NAALADL2: variants seen among roughly 807,000 people sequenced by gnomAD.
NAALADL2 encodes the protein inactive N-acetylated-alpha-linked acidic dipeptidase-like protein 2.
A neutral mutation model predicts 87.2 loss-of-function variants in NAALADL2; 76 were observed. The ratio of observed to expected loss-of-function variants is 0.87; its 90% CI spans 0.72 to 1.05. NAALADL2 has a LOEUF of 1.05. Among genes scored for constraint, NAALADL2 ranks in the 50% least tolerant of loss-of-function variants. NAALADL2 has a pLI of 0.00. For missense variants in NAALADL2, 1,089 were observed against 945.8 expected, an observed-to-expected ratio of 1.15 and a Z score of -1.99; for synonymous variants, 354 against 331.0, an observed-to-expected ratio of 1.07 and a Z score of -0.75.
chr3:174,657,382 C>G (rs767454154), intron 2 of NAALADL2, among the ~76,000 whole-genome samples: 7 of 152,044 alleles, frequency 4.6e-5, no homozygotes, highest in African/African-American at 7.2e-5. Flanking sequence ...CTCTCGAACT[C>G]CTGACCTCAA....
intron 2 of NAALADL2, among the ~76,000 whole-genome samples, chr3:174,607,996 C>G (rs1400054931): frequency 6.6e-6 from 1 of 152,156 alleles, no homozygotes; most frequent in Non-Finnish European, 1.5e-5. Context: ...CAAACTAGAA[C>G]TGAGGATTAA....
intron 2 of NAALADL2, among the ~76,000 whole-genome samples, chr3:174,672,589 G>A (rs1047880303): frequency 2.0e-5 from 3 of 151,982 alleles, no homozygotes; most frequent in African/African-American, 4.8e-5. Flanking sequence ...ATGTTAGGCC[G>A]AAATACTTTC....
chr3:174,546,309 C>T (rs1183634381), intron 1 of NAALADL2, among the ~76,000 whole-genome samples: 6 of 152,148 alleles, frequency 3.9e-5, no homozygotes, highest in South Asian at 4.1e-4. Flanking sequence ...CTTGGTATTC[C>T]CAAGTTTGAG....
At chr3:174,859,510 G>C in intron 1 of NAALADL2, 60 bp downstream of exon 1, 1 of 1,386,786 alleles carries the variant, frequency 7.2e-7, no homozygotes, top group Non-Finnish European at 1.0e-6. Context: ...AAGCAGTGTT[G>C]ATTACAAAGT....
chr3:175,247,301 G>C (rs541238674), intron 3 of NAALADL2, among the ~76,000 whole-genome samples: 5 of 150,620 alleles, frequency 3.3e-5, no homozygotes, highest in African/African-American at 1.2e-4. Context: ...AAACACATAA[G>C]TAAGTGTATT....
intron 2 of NAALADL2, among the ~76,000 whole-genome samples, chr3:174,616,966 G>A (rs934530535): frequency 7.9e-5 from 12 of 151,680 alleles, no homozygotes. Context: ...TTAATTGTAT[G>A]GAAAATAGTA....
In NAALADL2 at chr3:175,719,035, G is replaced by A. The variant is rs548887847; in HGVS notation, c.1897-18271G>A. Among the ~76,000 whole-genome samples the A allele has an allele frequency of 2.6e-4, 39 of 152,108 alleles. 1 individual carries two copies. The highest frequency in any genetic ancestry group is 4.1e-4 in the Non-Finnish European group (28 of 67,992). ...TGTGCTAAAATGCTTTTTTAGTTGC[G>A]ATTGGGCCAGGGGCCAGGATGAATC... On this transcript the variant is annotated intron_variant, in intron 11 of 13. Coordinates refer to ENST00000454872, the MANE Select transcript of NAALADL2 (RefSeq NM_207015.3).
intron 11 of NAALADL2, among the ~76,000 whole-genome samples, chr3:175,713,769 T>C (rs954550649): frequency 5.9e-5 from 9 of 152,120 alleles, no homozygotes; most frequent in African/African-American, 2.2e-4. Flanking sequence ...CTGGGATACA[T>C]GTGCAGAATG....
intron 1 of NAALADL2, among the ~76,000 whole-genome samples, chr3:174,906,745 C>A (rs1579461920): frequency 6.6e-6 from 1 of 152,088 alleles, no homozygotes; most frequent in Non-Finnish European, 1.5e-5. Context: ...GCTATACCAA[C>A]CCCCAATTTC....
intron 10 of NAALADL2, among the ~76,000 whole-genome samples, chr3:175,605,644 T>TTTTTTTTTTTTTTTG (rs1723612029): frequency 7.5e-6 from 1 of 133,012 alleles, no homozygotes; most frequent in Non-Finnish European, 1.6e-5. Context: ...TTGCTTGTTT[T>TTTTTTTTTTTTTTTG]TTTTTTTTTT....
chr3:175,409,115 T>C (rs534855339), intron 5 of NAALADL2, among the ~76,000 whole-genome samples: 14 of 152,014 alleles, frequency 9.2e-5, no homozygotes, highest in Non-Finnish European at 1.5e-4. Context: ...AGATTTTTCT[T>C]TTCCACATGA....
At chr3:175,106,025 T>G (rs1389353107) in intron 2 of NAALADL2, among the ~76,000 whole-genome samples, 1 of 152,114 alleles carries the variant, frequency 6.6e-6, no homozygotes, top group Non-Finnish European at 1.5e-5. Context: ...CATTTCTGCC[T>G]AAAGGTTTGC....
chr3:175,471,168 C>T (rs929097661), intron 8 of NAALADL2, among the ~76,000 whole-genome samples: 15 of 151,980 alleles, frequency 9.9e-5, no homozygotes, highest in African/African-American at 1.9e-4. Flanking sequence ...TACACTATTA[C>T]ATAGTATAGG....
intron 3 of NAALADL2, among the ~76,000 whole-genome samples, chr3:174,741,924 C>T (rs892983947): frequency 6.6e-6 from 1 of 151,662 alleles, no homozygotes; most frequent in East Asian, 1.9e-4. Context: ...CTCTTGTTAA[C>T]TTACATGGAA....
intron 5 of NAALADL2, among the ~76,000 whole-genome samples, chr3:175,418,782 ACTTGGTTTTATATTG>A (rs945597826): frequency 2.6e-5 from 4 of 151,898 alleles, no homozygotes; most frequent in African/African-American, 9.7e-5. Flanking sequence ...CTATTTTTCC[ACTTGGTTTTATATTG>A]CTTTGAAAAA....
intron 2 of NAALADL2, among the ~76,000 whole-genome samples, chr3:174,620,277 C>T (rs564128574): frequency 1.3e-5 from 2 of 152,154 alleles, no homozygotes; most frequent in South Asian, 4.1e-4. Flanking sequence ...TAAAACATAG[C>T]AACACCTACA....
At chr3:175,657,579 G>GTT (rs368302045) in intron 11 of NAALADL2, among the ~76,000 whole-genome samples, 3,603 of 141,064 alleles carry the variant, frequency 0.026, 163 homozygotes, top group African/African-American at 0.089. Flanking sequence ...TCATTTTACT[G>GTT]TTTTTTTTTT....
intron 1 of NAALADL2, among the ~76,000 whole-genome samples, chr3:175,059,206 A>G (rs1296896716): frequency 2.0e-5 from 3 of 151,336 alleles, no homozygotes; most frequent in Non-Finnish European, 4.4e-5. Context: ...CTTTTTTCCC[A>G]CAAGTTTTTC....
At chr3:175,630,387 G>A (rs182810061) in intron 11 of NAALADL2, among the ~76,000 whole-genome samples, 7 of 151,344 alleles carry the variant, frequency 4.6e-5, no homozygotes, top group South Asian at 2.1e-4. Flanking sequence ...GCCCTTCCTC[G>A]CTAGGATTCT....
Sources: gnomAD v4.1 joint callset for allele counts (sites outside exome capture counted in the v4.1 genomes callset) on GRCh38, gnomAD v4.1.1 for gene constraint, MANE v1.5 for transcripts, NCBI Gene and HGNC (gene_info 2026-07-23, HGNC 2026-07-21) for gene names.